CARM1: variants seen among roughly 807,000 people sequenced by gnomAD.
CARM1 encodes coactivator associated arginine methyltransferase 1.
Under a neutral mutation model 72.7 loss-of-function variants are expected in CARM1, and 14 were observed. That is an observed-to-expected ratio of 0.19 (90% CI 0.13 to 0.30). CARM1 has a LOEUF of 0.30. CARM1 is among the 10% of genes least tolerant of loss of function. CARM1 has a pLI of 1.00. For synonymous variants in CARM1, 333 were observed against 345.5 expected (o/e 0.96, Z 0.40); for missense variants, 432 against 833.7 (o/e 0.52, Z 5.93).
intron 1 of CARM1, among the ~76,000 whole-genome samples, chr19:10,889,798 T>G (rs2146315676): frequency 6.6e-6 from 1 of 152,294 alleles, no homozygotes; most frequent in Middle Eastern, 3.4e-3. Context: ...GAAATATTTT[T>G]GAAGGAATGA....
chr19:10,921,293 C>A, intron 14 of CARM1, 82 bp from the exon 15 acceptor site: 1 of 1,532,320 alleles, frequency 6.5e-7, no homozygotes, highest in Non-Finnish European at 9.0e-7. Flanking sequence ...CCTCGCTCTG[C>A]AGCCTGCTGC....
intron 1 of CARM1, among the ~76,000 whole-genome samples, chr19:10,895,113 T>G (rs1039072038): frequency 6.6e-6 from 1 of 151,770 alleles, no homozygotes; most frequent in African/African-American, 2.4e-5. Flanking sequence ...GGTTCTCTTT[T>G]TTTTTCTTTT....
intron 5 of CARM1, among the ~76,000 whole-genome samples, chr19:10,913,635 G>A (rs1296624270): frequency 2.0e-5 from 3 of 152,034 alleles, no homozygotes; most frequent in Non-Finnish European, 4.4e-5. Flanking sequence ...ATGAGGTCAA[G>A]CAGTCCGCCT....
intron 1 of CARM1, among the ~76,000 whole-genome samples, chr19:10,901,522 A>C (rs2074065481): frequency 6.7e-6 from 1 of 149,588 alleles, no homozygotes; most frequent in African/African-American, 2.5e-5. Flanking sequence ...ATGGGGTCTT[A>C]CTATGTTGCC....
At chr19:10,883,828 G>A (rs1385981882) in intron 1 of CARM1, among the ~76,000 whole-genome samples, 8 of 148,412 alleles carry the variant, frequency 5.4e-5, no homozygotes, top group African/African-American at 2.0e-4. Context: ...GACCAGCCTG[G>A]CCAACATGGT....
intron 3 of CARM1, 95 bp downstream of exon 3, chr19:10,908,240 C>G (rs1568353874): frequency 6.3e-6 from 5 of 793,222 alleles, no homozygotes; most frequent in Non-Finnish European, 1.1e-5. Context: ...AAGGCCCACC[C>G]AAGTTCCCGT....
intron 5 of CARM1, among the ~76,000 whole-genome samples, chr19:10,913,547 A>C (rs1261769333): frequency 6.6e-6 from 1 of 151,976 alleles, no homozygotes; most frequent in Non-Finnish European, 1.5e-5. Context: ...CTCAAAGAAA[A>C]AAAAAATAGT....
chr19:10,881,524 G>A (rs1226111296), intron 1 of CARM1, among the ~76,000 whole-genome samples: 1 of 152,120 alleles, frequency 6.6e-6, no homozygotes, highest in African/African-American at 2.4e-5. Flanking sequence ...GTCAGATGCC[G>A]TGAGAGGTCA....
At chr19:10,917,117 C>T (rs916382296) in intron 8 of CARM1, among the ~76,000 whole-genome samples, 4 of 151,718 alleles carry the variant, frequency 2.6e-5, no homozygotes, top group Non-Finnish European at 5.9e-5. Flanking sequence ...ATGAATTTAT[C>T]CTTGGTGAGC....
In CARM1 at chr19:10,893,951, C is replaced by G. The variant is rs561320025; in HGVS notation, c.221-11000C>G. On this transcript the variant is annotated intron_variant, in intron 1 of 15. Coordinates refer to ENST00000327064, the MANE Select transcript of CARM1 (RefSeq NM_199141.2). ...TGATGCCAAAGCCCATCCTTTCAGC[C>G]ATCTCCCTGCTGGGTGACCCTAGGG... 2.0e-3 allele frequency among the ~76,000 whole-genome samples: 305 copies of G among 152,324 alleles called. 2 individuals are homozygous for G. The highest frequency in any genetic ancestry group is 7.0e-3 in the African/African-American group (290 of 41,574).
At chr19:10,898,221 C>T (rs2074038010) in intron 1 of CARM1, among the ~76,000 whole-genome samples, 1 of 152,002 alleles carries the variant, frequency 6.6e-6, no homozygotes, top group African/African-American at 2.4e-5. Flanking sequence ...ACAGGAGAAT[C>T]GCTGGAACCT....
chr19:10,880,918 T>G (rs2073897791), intron 1 of CARM1, among the ~76,000 whole-genome samples: 1 of 147,888 alleles, frequency 6.8e-6, no homozygotes, highest in Admixed American at 6.6e-5. Context: ...AATCCCAGGT[T>G]TTGGGAGGCC....
intron 1 of CARM1, among the ~76,000 whole-genome samples, chr19:10,891,362 G>A (rs943888653): frequency 6.6e-6 from 1 of 152,190 alleles, no homozygotes; most frequent in Non-Finnish European, 1.5e-5. Context: ...TTCAAACCTG[G>A]ATCTTACTGC....
At chr19:10,914,191 C>T (rs1372301279) in intron 6 of CARM1, 137 bp downstream of exon 6, 5 of 843,858 alleles carry the variant, frequency 5.9e-6, no homozygotes, top group East Asian at 5.8e-5. Context: ...TTCCCCCGCT[C>T]CCACCCCAAC....
Position 10,921,781 on chromosome 19 carries a change from C to A in CARM1, c.*24C>A. ...AGGGGCCCGCCCCGCGGACTGACAG[C>A]ACCAGGAAACCAAATGATGTCCCTG... is the stretch of plus-strand genomic sequence containing the variant. On this transcript the variant is annotated 3_prime_UTR_variant, in exon 16 of 16. Coordinates refer to ENST00000327064, the MANE Select transcript of CARM1 (RefSeq NM_199141.2). The A allele has an allele frequency of 1.3e-6, 2 of 1,563,550 alleles. No homozygotes were observed. The highest frequency in any genetic ancestry group is 1.9e-5 in the Admixed American group (1 of 53,470).
rs995122415 is a variant in CARM1, at chr19:10,912,986, G to A, written c.669+692G>A. On this transcript the variant is annotated intron_variant, in intron 5 of 15. Coordinates refer to ENST00000327064, the MANE Select transcript of CARM1 (RefSeq NM_199141.2). This position sits in a 1 kb window ranked among gnomAD's most constrained non-coding sequence, Gnocchi z 4.5. ...TGGGGGTGCATCCAGCTTTAGCTTTGGTGGCTGTTGTGATGTCTGCTCGTC... is the reference window on the plus strand; with the variant it reads ...TGGGGGTGCATCCAGCTTTAGCTTTAGTGGCTGTTGTGATGTCTGCTCGTC... 2.0e-5 allele frequency among the ~76,000 whole-genome samples: 3 copies of A among 152,164 alleles called. No homozygotes were observed. Among genetic ancestry groups the A allele is most frequent in the Non-Finnish European group, 2.9e-5 (2 of 68,024 alleles).
chr19:10,920,441 C>G lies in CARM1; in HGVS notation c.1202C>G (p.Thr401Ser). 3 of 1,611,026 alleles carry G rather than the reference C, an allele frequency of 1.9e-6. No homozygotes were observed. The highest frequency in any genetic ancestry group is 2.5e-6 in the Non-Finnish European group (3 of 1,177,708). Residue 401 changes from threonine (T) to serine (S), a missense_variant, in exon 11 of 16, where the codon ACC becomes AGC. Physicochemically the swap from Thr to Ser is moderately conservative, Grantham distance 58 (BLOSUM62 1). This residue lies in a region of CARM1 where 152 missense variants were observed against 452.8 expected (regional missense o/e 0.34). Transcript: ENST00000327064. This position sits in a 1 kb window ranked among gnomAD's most constrained non-coding sequence, Gnocchi z 5.3. ...FDVAFIGSIM[T>S]VWLSTAPTEP... ...TGCCTGTCCCTGCTCCACAGAATGACCGTGTGGCTGTCCACAGCCCCGACA... is the reference window on the plus strand; with the variant it reads ...TGCCTGTCCCTGCTCCACAGAATGAGCGTGTGGCTGTCCACAGCCCCGACA...
chr19:10,885,699 G>A (rs140185394), intron 1 of CARM1, among the ~76,000 whole-genome samples: 31 of 152,250 alleles, frequency 2.0e-4, no homozygotes, highest in East Asian at 9.6e-4. Context: ...AAGATAGGCT[G>A]GAGCTTCCAG....
At chr19:10,882,336 C>T (rs1465414980) in intron 1 of CARM1, among the ~76,000 whole-genome samples, 31 of 152,080 alleles carry the variant, frequency 2.0e-4, no homozygotes, top group Admixed American at 1.8e-3. Context: ...TGCTGTGGCC[C>T]GCTGTGCTTT....
Sources: gnomAD v4.1 joint callset for allele counts (sites outside exome capture counted in the v4.1 genomes callset) on GRCh38, gnomAD v4.1.1 for gene constraint, gnomAD v4.1.1 regional missense constraint, Gnocchi (gnomAD v3.1) non-coding constraint, MANE v1.5 for transcripts, NCBI Gene and HGNC (gene_info 2026-07-23, HGNC 2026-07-21) for gene names.